The following MAPK7 variants were observed in gnomAD, a reference collection of about 807,000 sequenced individuals.
MAPK7 encodes mitogen-activated protein kinase 7.
Under a neutral mutation model 56.9 loss-of-function variants are expected in MAPK7, and 30 were observed. The ratio of observed to expected loss-of-function variants is 0.53; its 90% CI spans 0.39 to 0.72. The LOEUF is 0.72. Among genes scored for constraint, MAPK7 ranks in the 30% least tolerant of loss-of-function variants. The probability of loss-of-function intolerance (pLI) is 0.00; values close to 1 mark genes in which losing one functional copy is unlikely to be tolerated. For missense variants in MAPK7, 952 were observed against 1,110.8 expected (o/e 0.86, Z 2.03); for synonymous variants, 516 against 449.3 (o/e 1.15, Z -1.88).
intron 2 of MAPK7, chr17:19,379,514 G>A (rs1912449934): frequency 1.8e-6 from 1 of 561,042 alleles, no homozygotes; most frequent in East Asian, 3.0e-5. Context: ...ACACCACTGG[G>A]CATCCGTGCA....
rs1178091344 is a variant in MAPK7, at chr17:19,381,681, T to C, written c.1472T>C (p.Leu491Pro). The change falls in exon 4 of 7, where the codon CTC becomes CCC. Residue 491 changes from leucine (L) to proline (P), a missense_variant. This residue lies in a region of MAPK7 where 429 missense variants were observed against 533.0 expected (regional missense o/e 0.80). Coordinates refer to ENST00000395604, the MANE Select transcript of MAPK7 (RefSeq NM_002749.4). This position sits in a 1 kb window ranked among gnomAD's most constrained non-coding sequence, Gnocchi z 4.6. ...CTGCTCAAGTCTTTGAGGAGCCGGC[T>C]CAGAGGTGCCTTGTGGGCAGGTCGG... ...AALLKSLRSR[L>P]RDGPSAPLEA... 6.3e-7 allele frequency: 1 copy of C among 1,585,336 alleles called. No homozygotes were observed. Among genetic ancestry groups the C allele is most frequent in the Non-Finnish European group, 8.6e-7 (1 of 1,165,526 alleles).
chr17:19,382,370 T>A lies in MAPK7; in HGVS notation c.2067T>A (p.Pro689=), dbSNP rs1334478560. The change falls in exon 5 of 7, where the codon CCT becomes CCA. Residue 689 remains proline (P), a synonymous_variant. Coordinates refer to ENST00000395604, the MANE Select transcript of MAPK7 (RefSeq NM_002749.4). Reference sequence around the variant, plus strand: ...CAGGAGTTTTGCCTTACTTCCCACCTGGCCTGCCGCCCCCAGACGCCGGGG... The same window carrying A: ...CAGGAGTTTTGCCTTACTTCCCACCAGGCCTGCCGCCCCCAGACGCCGGGG... ...STPGVLPYFP[P]GLPPPDAGGA... is the part of the protein sequence containing the mutation. 2 of 1,613,418 alleles carry A rather than the reference T, an allele frequency of 1.2e-6. No homozygotes were observed. The highest frequency in any genetic ancestry group is 2.2e-5 in the South Asian group (2 of 91,082).
chr17:19,379,016 T>A lies in MAPK7; in HGVS notation c.116T>A (p.Leu39Gln), dbSNP rs1480613638. ...TCTGTAGCGGCCAAGAACCTGGCCC[T>A]GCTTAAAGCCCGCTCCTTCGATGTG... is the stretch of plus-strand genomic sequence containing the variant. ...AASVAAKNLA[L>Q]LKARSFDVTF... Residue 39 changes from leucine (L) to glutamine (Q), a missense_variant, in exon 2 of 7, where the codon CTG becomes CAG. Leu to Gln is a moderately radical substitution (Grantham distance 113). This residue lies in a region of MAPK7 where 213 missense variants were observed against 243.2 expected (regional missense o/e 0.88). Coordinates refer to ENST00000395604, the MANE Select transcript of MAPK7 (RefSeq NM_002749.4). 1 of 1,613,710 alleles carries A rather than the reference T, an allele frequency of 6.2e-7. No homozygotes were observed. The highest frequency in any genetic ancestry group is 1.3e-5 in the African/African-American group (1 of 74,926).
rs1325318771 is a variant in MAPK7 at position 19,382,347 on chromosome 17, G to A, written c.2044G>A (p.Gly682Arg). The change falls in exon 5 of 7, where the codon GGA becomes AGA. Residue 682 changes from glycine to arginine, a missense_variant. By Grantham distance (125) the Gly-to-Arg change is moderately radical (BLOSUM62 -2). Transcript: ENST00000395604. ...PPGLPGSSTP[G>R]VLPYFPPGLP... ...TGGGCTGCCTGGCTCCAGCACCCCA[G>A]GAGTTTTGCCTTACTTCCCACCTGG... 1 of 1,613,456 alleles carries A rather than the reference G, an allele frequency of 6.2e-7. No homozygotes were observed. The highest frequency in any genetic ancestry group is 1.7e-5 in the Admixed American group (1 of 60,020).
rs779411472 is a variant in MAPK7 at position 19,379,957 on chromosome 17, G to A, written c.398+10G>A. On this transcript the variant is annotated intron_variant, in intron 3 of 6. Coordinates refer to ENST00000395604, the MANE Select transcript of MAPK7 (RefSeq NM_002749.4). ...GCGAATTCAAATCTGTGTAAGAAGC[G>A]GGATGGGAGAGGGAGCCAGACTTGG... The A allele has an allele frequency of 1.6e-5, 25 of 1,609,594 alleles. No homozygotes were observed. The highest frequency in any genetic ancestry group is 1.6e-4 in the Middle Eastern group (1 of 6,068).
chr17:19,380,927 A>G lies in MAPK7; in HGVS notation c.718A>G (p.Thr240Ala), dbSNP rs1428363713. ...GCTCATGCTCTCTTTGCATGAGTATACACAGGCTATTGACCTCTGGTCTGT... is the reference window on the plus strand; with the variant it reads ...GCTCATGCTCTCTTTGCATGAGTATGCACAGGCTATTGACCTCTGGTCTGT... Reference protein sequence around the residue: ...PELMLSLHEYTQAIDLWSVGC... With the variant: ...PELMLSLHEYAQAIDLWSVGC... Residue 240 changes from threonine (T) to alanine (A), a missense_variant, in exon 4 of 7, where the codon ACA (threonine) becomes GCA (alanine). Physicochemically the swap from Thr to Ala is moderately conservative, Grantham distance 58. This residue lies in a region of MAPK7 where 429 missense variants were observed against 533.0 expected (regional missense o/e 0.80). Coordinates refer to ENST00000395604, the MANE Select transcript of MAPK7 (RefSeq NM_002749.4). 2 of 1,614,202 alleles carry G rather than the reference A, an allele frequency of 1.2e-6. No individual in the cohort carries two copies. The highest frequency in any genetic ancestry group is 1.1e-5 in the South Asian group (1 of 91,086).
rs763127575 is a variant in MAPK7, at chr17:19,379,026, C to T, written c.126C>T (p.Ala42=). ...VAAKNLALLK[A]RSFDVTFDVG... is the part of the protein sequence containing the mutation. ...CCAAGAACCTGGCCCTGCTTAAAGC[C>T]CGCTCCTTCGATGTGACCTTTGACG... The change falls in exon 2 of 7, where the codon GCC becomes GCT. Residue 42 remains alanine, a synonymous_variant. Transcript: ENST00000395604. 6.2e-7 allele frequency: 1 copy of T among 1,613,948 alleles called. No individual in the cohort carries two copies. Among genetic ancestry groups the T allele is most frequent in the Non-Finnish European group, 8.5e-7 (1 of 1,179,990 alleles).
chr17:19,378,880 C>G lies in MAPK7; in HGVS notation c.-5-16C>G. On this transcript the variant is annotated splice_polypyrimidine_tract_variant and intron_variant, in intron 1 of 6. Coordinates refer to ENST00000395604, the MANE Select transcript of MAPK7 (RefSeq NM_002749.4). The surrounding 1 kb of genome is among the most constrained non-coding windows in gnomAD (Gnocchi z 5.4). ...CCACGGTAGGTGGTCCTCTCCTCAC[C>G]CGAGTCTCCACACAGACACCATGGC... 6.5e-7 allele frequency: 1 copy of G among 1,545,450 alleles called. No individual in the cohort carries two copies. The highest frequency in any genetic ancestry group is 8.8e-7 in the Non-Finnish European group (1 of 1,141,484).
rs1471616802 is a variant in MAPK7, at chr17:19,380,893, T to C, written c.684T>C (p.Arg228=). Residue 228 remains arginine (R), a synonymous_variant, in exon 4 of 7, where the codon CGT becomes CGC. Transcript: ENST00000395604. ...MTEYVATRWY[R]APELMLSLHE... ...AGTATGTGGCCACGCGCTGGTACCG[T>C]GCGCCCGAGCTCATGCTCTCTTTGC... 3 of 1,614,192 alleles carry C rather than the reference T, an allele frequency of 1.9e-6. No homozygotes were observed.
Position 19,381,456 on chromosome 17 carries a change from A to T in MAPK7, c.1247A>T (p.Asp416Val), listed in dbSNP as rs758886992. 1 of 1,614,054 alleles carries T rather than the reference A, an allele frequency of 6.2e-7. No individual in the cohort carries two copies. Among genetic ancestry groups the T allele is most frequent in the Admixed American group, 1.7e-5 (1 of 60,018 alleles). ...QPVASEPGCP[D>V]VEMPSPWAPS... ...GTGGCTAGTGAGCCTGGCTGTCCAG[A>T]TGTTGAAATGCCCAGTCCCTGGGCT... is the stretch of plus-strand genomic sequence containing the variant. The change falls in exon 4 of 7, where the codon GAT becomes GTT. Residue 416 changes from aspartate (D) to valine (V), a missense_variant. Transcript: ENST00000395604. The surrounding 1 kb of genome is among the most constrained non-coding windows in gnomAD (Gnocchi z 4.6).
At chr17:19,380,272 G>T (rs926867564) in intron 3 of MAPK7, 2 of 491,276 alleles carry the variant, frequency 4.1e-6, no homozygotes, top group African/African-American at 1.9e-5. Flanking sequence ...GGACAAGCCT[G>T]GTCAATTTTC....
rs756737208 is a variant in MAPK7 at position 19,383,127 on chromosome 17, G to A, written c.2347G>A (p.Glu783Lys). Reference protein sequence around the residue: ...LSASLLADWLEGHGMNPADIE... With the variant: ...LSASLLADWLKGHGMNPADIE... ...AGCCTCCCTGCTTGCTGACTGGCTC[G>A]AAGGCCATGGCATGAACCCTGCCGA... is the stretch of plus-strand genomic sequence containing the variant. The change falls in exon 7 of 7, where the codon GAA (glutamate) becomes AAA (lysine). Residue 783 changes from glutamate (E) to lysine (K), a missense_variant. By Grantham distance (56) the Glu-to-Lys change is moderately conservative. This residue lies in a region of MAPK7 where 73 missense variants were observed against 104.6 expected (regional missense o/e 0.70). Coordinates refer to ENST00000395604, the MANE Select transcript of MAPK7 (RefSeq NM_002749.4). The A allele has an allele frequency of 1.2e-6, 2 of 1,613,530 alleles. No homozygotes were observed. Among genetic ancestry groups the A allele is most frequent in the South Asian group, 1.1e-5 (1 of 91,082 alleles).
intron 2 of MAPK7, 130 bp from the exon 3 acceptor site, chr17:19,379,652 C>T (rs1427828791): frequency 3.9e-6 from 3 of 778,458 alleles, no homozygotes; most frequent in Non-Finnish European, 4.2e-6. Flanking sequence ...GGGCTTGGCA[C>T]ATAGTAGGTA....
chr17:19,378,362 C>A, upstream of MAPK7: 1 of 988,406 alleles, frequency 1.0e-6, no homozygotes, highest in African/African-American at 1.7e-5. The surrounding 1 kb of genome is among the most constrained non-coding windows in gnomAD (Gnocchi z 5.4). Flanking sequence ...GCGCGCCAGG[C>A]GTGGCTTTCT....
Position 19,378,966 on chromosome 17 carries a change from G to A in MAPK7, c.66G>A (p.Lys22=). 6.2e-7 allele frequency: 1 copy of A among 1,605,396 alleles called. No individual in the cohort carries two copies. Among genetic ancestry groups the A allele is most frequent in the Non-Finnish European group, 8.5e-7 (1 of 1,176,134 alleles). ...DGSAEPPGPV[K]AEPAHTAASV... ...CTGCGGAGCCCCCCGGGCCCGTGAAGGCCGAACCCGCCCACACCGCTGCCT... is the reference window on the plus strand; with the variant it reads ...CTGCGGAGCCCCCCGGGCCCGTGAAAGCCGAACCCGCCCACACCGCTGCCT... Residue 22 remains lysine, a synonymous_variant, in exon 2 of 7, where the codon AAG becomes AAA. Transcript: ENST00000395604. The surrounding 1 kb of genome is among the most constrained non-coding windows in gnomAD (Gnocchi z 5.4).
At position 19,382,338 on chromosome 17, in the gene MAPK7, A is replaced by G. The variant is rs958886505; in HGVS notation, c.2035A>G (p.Ser679Gly). The change falls in exon 5 of 7, where the codon AGC becomes GGC. Residue 679 changes from serine to glycine, a missense_variant. This residue lies in a region of MAPK7 where 234 missense variants were observed against 210.4 expected (regional missense o/e 1.11). Coordinates refer to ENST00000395604, the MANE Select transcript of MAPK7 (RefSeq NM_002749.4). The part of the protein sequence containing the change: ...LVPPPGLPGS[S>G]TPGVLPYFPP... Reference sequence around the variant, plus strand: ...GCCACCCCCTGGGCTGCCTGGCTCCAGCACCCCAGGAGTTTTGCCTTACTT... The same window carrying G: ...GCCACCCCCTGGGCTGCCTGGCTCCGGCACCCCAGGAGTTTTGCCTTACTT... The G allele has an allele frequency of 1.6e-5, 26 of 1,613,022 alleles. No individual in the cohort carries two copies. The highest frequency in any genetic ancestry group is 1.7e-5 in the Non-Finnish European group (20 of 1,179,984).
rs1912405601 is a variant in MAPK7, at chr17:19,379,205, A to G, written c.232+73A>G. On this transcript the variant is annotated intron_variant, in intron 2 of 6. Coordinates refer to ENST00000395604, the MANE Select transcript of MAPK7 (RefSeq NM_002749.4). ...AGTGGGAAACCGGCCTGTCCCAGAC[A>G]GCCGGGAAGGAAAGCGGGGTGCGAG... 2.8e-5 allele frequency: 39 copies of G among 1,377,928 alleles called. 1 individual carries two copies. The South Asian group carries it at 4.7e-4, about 17-fold the overall frequency. 85.4% of individuals were successfully genotyped at this position (1,377,928 alleles called of 1,614,324 possible). A position where few individuals can be genotyped will look rare whatever the true frequency, so the allele number is the denominator to read the frequency against.
At chr17:19,378,226 C>T (rs747781311), upstream of MAPK7, 52 of 985,750 alleles carry the variant, frequency 5.3e-5, 1 homozygote, top group Non-Finnish European at 5.5e-5. The surrounding 1 kb of genome is among the most constrained non-coding windows in gnomAD (Gnocchi z 5.4). Flanking sequence ...GGGGCGTTGC[C>T]TTCCATTCAC....
Position 19,380,980 on chromosome 17 carries a change from C to T in MAPK7, c.771C>T (p.Ala257=), listed in dbSNP as rs1206665996. The T allele has an allele frequency of 6.2e-7, 1 of 1,614,164 alleles. No individual in the cohort carries two copies. The highest frequency in any genetic ancestry group is 8.5e-7 in the Non-Finnish European group (1 of 1,180,030). ...GCTGCATCTTTGGTGAGATGCTGGC[C>T]CGGCGCCAGCTCTTCCCAGGCAAAA... The part of the protein sequence containing the change: ...SVGCIFGEML[A]RRQLFPGKNY... The change falls in exon 4 of 7, where the codon GCC becomes GCT. Residue 257 remains alanine, a synonymous_variant. Transcript: ENST00000395604.
Sources: allele counts gnomAD v4.1 joint callset, GRCh38; gene constraint gnomAD v4.1.1; regional missense constraint gnomAD v4.1.1; non-coding constraint Gnocchi (gnomAD v3.1); transcripts MANE v1.5; gene names NCBI Gene and HGNC (gene_info 2026-07-23, HGNC 2026-07-21).